The following VPS41 variants were observed in gnomAD, a reference collection of about 807,000 sequenced individuals.
VPS41 encodes the protein vacuolar protein sorting-associated protein 41 homolog.
VPS41 carries 85 observed loss-of-function variants against 130.9 expected under a neutral mutation model. The ratio of observed to expected loss-of-function variants is 0.65; its 90% confidence interval spans 0.55 to 0.78. VPS41 has a LOEUF of 0.78. Ranked by LOEUF, VPS41 falls within the 30% of genes least tolerant of loss-of-function variation. The probability of loss-of-function intolerance (pLI) is 0.00; values close to 1 mark genes in which losing one functional copy is unlikely to be tolerated. For synonymous variants in VPS41, 335 were observed against 332.9 expected (o/e 1.01, Z -0.07); for missense variants, 874 against 1,018.7 (o/e 0.86, Z 1.93).
chr7:38,774,077 T>A lies in VPS41; in HGVS notation c.1012+38A>T, dbSNP rs59351084. The stretch of plus-strand genomic sequence containing the variant: ...AGTAGGAAGGGGGAGAAAAAAACAT[T>A]AAAAAAGCATATCAGCCAGATCTTT... On this transcript the variant is annotated intron_variant, in intron 12 of 28. Coordinates refer to ENST00000310301, the MANE Select transcript of VPS41 (RefSeq NM_014396.4). 14,178 of 1,534,542 alleles carry A rather than the reference T, an allele frequency of 9.2e-3. 1,071 individuals carry two copies. In the African/African-American group the frequency reaches 0.17, roughly 18 times the overall value.
intron 22 of VPS41, among the ~76,000 whole-genome samples, chr7:38,751,736 T>C (rs1174068815): frequency 1.3e-5 from 2 of 152,158 alleles, no homozygotes; most frequent in East Asian, 1.9e-4. Context: ...TTAAAGAAGA[T>C]AGGATGCAGG....
chr7:38,832,039 A>C (rs926154099), intron 4 of VPS41, among the ~76,000 whole-genome samples: 1 of 151,980 alleles, frequency 6.6e-6, no homozygotes, highest in African/African-American at 2.4e-5. Flanking sequence ...ATATTCATTG[A>C]TTCATTTCCC....
chr7:38,785,300 G>T (rs1393325034), intron 10 of VPS41, among the ~76,000 whole-genome samples: 1 of 152,204 alleles, frequency 6.6e-6, no homozygotes, highest in African/African-American at 2.4e-5. Context: ...ACTTCACAAT[G>T]CTTTACATCA....
intron 7 of VPS41, among the ~76,000 whole-genome samples, chr7:38,801,598 T>C (rs1299569474): frequency 6.6e-6 from 1 of 152,158 alleles, no homozygotes; most frequent in Admixed American, 6.5e-5. Flanking sequence ...AGTCAAATAA[T>C]TTTCCCCCAA....
At chr7:38,776,353 C>T (rs1784258351) in intron 11 of VPS41, among the ~76,000 whole-genome samples, 1 of 152,190 alleles carries the variant, frequency 6.6e-6, no homozygotes, top group Non-Finnish European at 1.5e-5. Flanking sequence ...AAGTTCATTG[C>T]TGTCATTTCT....
intron 19 of VPS41, among the ~76,000 whole-genome samples, chr7:38,756,557 T>C (rs1783798120): frequency 6.6e-6 from 1 of 152,192 alleles, no homozygotes; most frequent in African/African-American, 2.4e-5. Flanking sequence ...ATATGAATTG[T>C]TTTAGCAAGA....
chr7:38,886,465 T>C (rs1244117765), intron 2 of VPS41, among the ~76,000 whole-genome samples: 1 of 152,206 alleles, frequency 6.6e-6, no homozygotes, highest in Middle Eastern at 3.2e-3. Flanking sequence ...CTGCCGTTAC[T>C]GAGGCTTGAG....
At chr7:38,820,964 T>C (rs1785159275) in intron 6 of VPS41, among the ~76,000 whole-genome samples, 1 of 152,054 alleles carries the variant, frequency 6.6e-6, no homozygotes, top group Non-Finnish European at 1.5e-5. Context: ...TGTGTATGTG[T>C]GTGTGAGTGA....
chr7:38,816,073 C>A (rs1785042623), intron 7 of VPS41, among the ~76,000 whole-genome samples: 1 of 152,076 alleles, frequency 6.6e-6, no homozygotes, highest in African/African-American at 2.4e-5. Context: ...GTTAATGCTA[C>A]TCTTTCCTGA....
At chr7:38,866,556 G>A (rs1007139739) in intron 3 of VPS41, among the ~76,000 whole-genome samples, 6 of 152,130 alleles carry the variant, frequency 3.9e-5, no homozygotes, top group African/African-American at 1.4e-4. Context: ...CAAGTTTAGA[G>A]GGAAATGAAA....
intron 2 of VPS41, among the ~76,000 whole-genome samples, chr7:38,881,400 A>G (rs995528710): frequency 3.9e-5 from 6 of 151,944 alleles, no homozygotes; most frequent in African/African-American, 1.5e-4. Context: ...AGATAATCTC[A>G]CTCTCCTACA....
chr7:38,851,235 A>G (rs1785847030), intron 4 of VPS41, among the ~76,000 whole-genome samples: 1 of 152,234 alleles, frequency 6.6e-6, no homozygotes, highest in Non-Finnish European at 1.5e-5. Context: ...AGCAATGAAA[A>G]GTGCCCTGAG....
intron 4 of VPS41, among the ~76,000 whole-genome samples, chr7:38,855,307 G>C (rs1785958701): frequency 6.6e-6 from 1 of 151,732 alleles, no homozygotes. Flanking sequence ...CTGTCAAAGA[G>C]AGAGGAGAGA....
chr7:38,737,753 G>A (rs895795441), intron 25 of VPS41, among the ~76,000 whole-genome samples: 1 of 152,144 alleles, frequency 6.6e-6, no homozygotes, highest in Non-Finnish European at 1.5e-5. Flanking sequence ...CCTGAGTGTT[G>A]TGTCCATCTT....
chr7:38,761,784 A>G (rs1264965983), intron 17 of VPS41, among the ~76,000 whole-genome samples: 1 of 151,880 alleles, frequency 6.6e-6, no homozygotes, highest in Non-Finnish European at 1.5e-5. Context: ...GACAGGTCTC[A>G]CTATGTTACC....
At chr7:38,776,835 T>C (rs1355457154) in intron 10 of VPS41, 59 bp from the exon 11 acceptor site, 14 of 953,762 alleles carry the variant, frequency 1.5e-5, no homozygotes, top group South Asian at 9.4e-5. Context: ...AGCACACATC[T>C]GGAGGAACAC....
Position 38,765,661 on chromosome 7 carries a change from G to A in VPS41, c.1248C>T (p.Arg416=). Residue 416 remains arginine, a splice_region_variant and synonymous_variant, in exon 16 of 29, where the codon CGC becomes CGT. Transcript: ENST00000310301. ...VERGDYDIAA[R]KCQKILGKNA... is the part of the protein sequence containing the mutation. ...TTTTCCCAAGAATTTTCTGGCATTT[G>A]CTGGCAGTAAAAACATCCCAGGCAG... The A allele has an allele frequency of 1.3e-6, 2 of 1,590,590 alleles. No individual in the cohort carries two copies. Among genetic ancestry groups the A allele is most frequent in the Admixed American group, 1.8e-5 (1 of 55,082 alleles).
intron 23 of VPS41, 116 bp downstream of exon 23, chr7:38,745,442 AG>A: frequency 1.3e-6 from 1 of 768,104 alleles, no homozygotes; most frequent in Non-Finnish European, 2.2e-6. Context: ...TTGTAAAAAT[AG>A]GCTCATATTC....
chr7:38,745,461 C>T (rs78455274), intron 23 of VPS41, 98 bp downstream of exon 23: 24,883 of 918,654 alleles, frequency 0.027, 447 homozygotes, highest in Middle Eastern at 0.055. Context: ...TTCTGTGTTA[C>T]GTTGGTCTAA....
Sources: gnomAD v4.1 joint callset for allele counts (sites outside exome capture counted in the v4.1 genomes callset) on GRCh38, gnomAD v4.1.1 for gene constraint, MANE v1.5 for transcripts, NCBI Gene and HGNC (gene_info 2026-07-23, HGNC 2026-07-21) for gene names.